Variants in RPL15 observed in about 807,000 individuals in gnomAD.
The protein encoded by RPL15 is ribosomal protein L15.
For synonymous variants in RPL15, 97 were observed against 95.1 expected (o/e 1.02, Z -0.12); for missense variants, 161 against 271.8 (o/e 0.59, Z 2.87).
Position 23,917,987 on chromosome 3 carries a change from C to T in RPL15, c.128C>T (p.Thr43Ile), listed in dbSNP as rs766954372. Residue 43 changes from threonine (T) to isoleucine (I), a missense_variant, in exon 2 of 4, where the codon ACC becomes ATC. Physicochemically the swap from Thr to Ile is moderately conservative, Grantham distance 89. Transcript: ENST00000307839. ...GCTCTCCACAGGGCTCCCCGCCCCA[C>T]CCGGCCTGATAAAGCGCGCCGACTG... ...LSALHRAPRPTRPDKARRLGY... is the reference protein window; with the variant it reads ...LSALHRAPRPIRPDKARRLGY... The T allele has an allele frequency of 6.2e-7, 1 of 1,612,324 alleles. No individual in the cohort carries two copies. Among genetic ancestry groups the T allele is most frequent in the African/African-American group, 1.3e-5 (1 of 74,950 alleles).
intron 3 of RPL15, chr3:23,918,834 G>A: frequency 1.9e-6 from 1 of 533,518 alleles, no homozygotes. Flanking sequence ...AATGTGGCCT[G>A]CACAGCCTAA....
At chr3:23,921,786 G>A, downstream of RPL15, 3 of 580,078 alleles carry the variant, frequency 5.2e-6, no homozygotes, top group Non-Finnish European at 9.1e-6. Context: ...TGTTGGCCAG[G>A]CTGGTCTCGA....
At position 23,919,130 on chromosome 3, in the gene RPL15, A is replaced by G. The variant is rs773201260; in HGVS notation, c.310-66A>G. The G allele has an allele frequency of 1.6e-5, 18 of 1,116,054 alleles. No individual in the cohort carries two copies. The Middle Eastern group carries it at 6.0e-4, about 38-fold the overall frequency. The allele number at this position is 1,116,054 out of a possible 1,614,324, so 69.1% of individuals were successfully genotyped here. A position where few individuals can be genotyped will look rare whatever the true frequency, so the allele number is the denominator to read the frequency against. On this transcript the variant is annotated intron_variant, in intron 3 of 3. Transcript: ENST00000307839. Reference sequence around the variant, plus strand: ...TGGTGAACTAGAGTTGAGAATTAAAATTCTTTCTGACTTGCTGCTATAGGC... The same window carrying G: ...TGGTGAACTAGAGTTGAGAATTAAAGTTCTTTCTGACTTGCTGCTATAGGC...
In RPL15 at chr3:23,917,855, C is replaced by T. The variant is rs756448980; in HGVS notation, c.-5C>T. On this transcript the variant is annotated 5_prime_UTR_variant, in exon 2 of 4. Transcript: ENST00000307839. The stretch of plus-strand genomic sequence containing the variant: ...TACACAGTTTGATTTCACAGGTAAG[C>T]CAAGATGGGTGCATACAAGTACATC... The T allele has an allele frequency of 1.2e-6, 2 of 1,607,208 alleles. No individual in the cohort carries two copies. The highest frequency in any genetic ancestry group is 1.3e-5 in the African/African-American group (1 of 74,588).
chr3:23,917,630 A>G, intron 1 of RPL15: 1 of 482,642 alleles, frequency 2.1e-6, no homozygotes, highest in Non-Finnish European at 3.7e-6. Context: ...CCCCACCAAA[A>G]CGTGCCGAGC....
chr3:23,922,267 C>G (rs1468754371), downstream of RPL15: 4 of 152,256 alleles, frequency 2.6e-5, no homozygotes, highest in African/African-American at 7.2e-5. The surrounding 1 kb of genome is among the most constrained non-coding windows in gnomAD (Gnocchi z 4.2). Flanking sequence ...TGGTTTCTTA[C>G]AATCCCAAAA....
At chr3:23,924,113 G>C (rs1248012281), downstream of RPL15, 2 of 152,230 alleles carry the variant, frequency 1.3e-5, no homozygotes, top group Non-Finnish European at 2.9e-5. Context: ...ATTAATACAA[G>C]ATGGGTGAAA....
At chr3:23,916,959 C>G (rs529553621), upstream of RPL15, 1 of 152,674 alleles carries the variant, frequency 6.5e-6, no homozygotes, top group African/African-American at 2.4e-5. Flanking sequence ...GCCGCTCAGG[C>G]TCGAATCTTG....
chr3:23,918,873 A>G lies in RPL15; in HGVS notation c.309+297A>G, dbSNP rs775671357. The G allele has an allele frequency of 1.3e-3, 646 of 507,210 alleles. 6 individuals carry two copies. Among genetic ancestry groups the G allele is most frequent in the Admixed American group, 1.1e-3 (29 of 26,684 alleles). The allele number at this position is 507,210 out of a possible 1,614,324, so 31.4% of individuals were successfully genotyped here. On this transcript the variant is annotated intron_variant, in intron 3 of 3. Coordinates refer to ENST00000307839, the MANE Select transcript of RPL15 (RefSeq NM_002948.5). The stretch of plus-strand genomic sequence containing the variant: ...ATATACTAAATATTTTTAAAGCTAA[A>G]CGTTGCTGAGCTCTCAGTTGTATGG...
At position 23,920,311 on chromosome 3, in the gene RPL15, G is replaced by A. The variant is rs571131453; in HGVS notation, c.*810G>A. 5.1e-5 allele frequency: 50 copies of A among 985,790 alleles called. No homozygotes were observed. In the Admixed American group the frequency reaches 3.0e-3, roughly 59 times the overall value. 61.1% of individuals were successfully genotyped at this position (985,790 alleles called of 1,614,324 possible). ...AAGTACGTCATTCTTAGTCCAGTCA[G>A]TCTTAAAAACATCTTGGGTTACCCA... On this transcript the variant is annotated 3_prime_UTR_variant, in exon 4 of 4. Coordinates refer to ENST00000307839, the MANE Select transcript of RPL15 (RefSeq NM_002948.5).
intron 1 of RPL15, 39 bp from the exon 2 acceptor site, chr3:23,917,811 T>G (rs368552682): frequency 1.6e-5 from 25 of 1,561,928 alleles, no homozygotes; most frequent in Middle Eastern, 2.3e-4. Context: ...TTATTGTACT[T>G]AAAGCGGATG....
chr3:23,916,873 G>A (rs1004469262), upstream of RPL15: 3 of 152,856 alleles, frequency 2.0e-5, no homozygotes, highest in African/African-American at 7.2e-5. Flanking sequence ...GCCTCCTCTC[G>A]CGGAGAGACA....
In RPL15 at chr3:23,917,962, G is replaced by T. The variant is rs1199176508; in HGVS notation, c.103G>T (p.Ala35Ser). The T allele has an allele frequency of 6.2e-7, 1 of 1,613,694 alleles. No homozygotes were observed. Among genetic ancestry groups the T allele is most frequent in the African/African-American group, 1.3e-5 (1 of 74,914 alleles). ...VRCWQYRQLS[A>S]LHRAPRPTRP... Reference sequence around the variant, plus strand: ...CTGCTGGCAGTACCGCCAGCTCTCTGCTCTCCACAGGGCTCCCCGCCCCAC... The same window carrying T: ...CTGCTGGCAGTACCGCCAGCTCTCTTCTCTCCACAGGGCTCCCCGCCCCAC... The change falls in exon 2 of 4, where the codon GCT (alanine) becomes TCT (serine). Residue 35 changes from alanine (A) to serine (S), a missense_variant. Coordinates refer to ENST00000307839, the MANE Select transcript of RPL15 (RefSeq NM_002948.5).
At position 23,917,713 on chromosome 3, in the gene RPL15, T is replaced by A. The variant is rs1040925132; in HGVS notation, c.-10-137T>A. 8 of 837,340 alleles carry A rather than the reference T, an allele frequency of 9.6e-6. No homozygotes were observed. The African/African-American group carries it at 1.4e-4, about 15-fold the overall frequency. 51.9% of individuals were successfully genotyped at this position (837,340 alleles called of 1,614,324 possible). A position where few individuals can be genotyped will look rare whatever the true frequency, so the allele number is the denominator to read the frequency against. On this transcript the variant is annotated intron_variant, in intron 1 of 3. Coordinates refer to ENST00000307839, the MANE Select transcript of RPL15 (RefSeq NM_002948.5). Reference sequence around the variant, plus strand: ...GCGCAGTGGTGGGGGTTGGGCTAGCTGTCCCCGGCAGTTGGTGCAGAGCCA... The same window carrying A: ...GCGCAGTGGTGGGGGTTGGGCTAGCAGTCCCCGGCAGTTGGTGCAGAGCCA...
chr3:23,920,516 TTC>T lies in RPL15; in HGVS notation c.*1017_*1018del. On this transcript the variant is annotated 3_prime_UTR_variant, in exon 4 of 4. Transcript: ENST00000307839. ...CTATGAGTATACCACCACATTGCAT[TTC>T]TGTTTGCACCATGTCTTCCAGGAGA... 10 of 985,270 alleles carry T rather than the reference TTC, an allele frequency of 1.0e-5. No homozygotes were observed. Among genetic ancestry groups the T allele is most frequent in the Non-Finnish European group, 1.1e-5 (9 of 829,796 alleles). 61.0% of individuals were successfully genotyped at this position (985,270 alleles called of 1,614,324 possible). A position where few individuals can be genotyped will look rare whatever the true frequency, so the allele number is the denominator to read the frequency against.
rs1455029715 is a variant in RPL15 at position 23,919,666 on chromosome 3, G to T, written c.*165G>T. 2.1e-6 allele frequency: 3 copies of T among 1,405,744 alleles called. No individual in the cohort carries two copies. The highest frequency in any genetic ancestry group is 3.0e-5 in the Admixed American group (1 of 33,160). 87.1% of individuals were successfully genotyped at this position (1,405,744 alleles called of 1,614,324 possible). A position where few individuals can be genotyped will look rare whatever the true frequency, so the allele number is the denominator to read the frequency against. On this transcript the variant is annotated 3_prime_UTR_variant, in exon 4 of 4. Transcript: ENST00000307839. ...TAATGTTTGAAGACAATAAGTGGTG[G>T]TGTATCTTGTTTCTAATAAGATAAA...
At chr3:23,918,176 GTA>G in intron 2 of RPL15, 145 bp downstream of exon 2, 1 of 1,069,202 alleles carries the variant, frequency 9.4e-7, no homozygotes. Flanking sequence ...GTCAGTTACT[GTA>G]TGCACTGTTG....
Position 23,920,079 on chromosome 3 carries a change from T to A in RPL15, c.*578T>A, listed in dbSNP as rs1484600918. 2 of 985,768 alleles carry A rather than the reference T, an allele frequency of 2.0e-6. No individual in the cohort carries two copies. The highest frequency in any genetic ancestry group is 2.4e-6 in the Non-Finnish European group (2 of 829,950). The allele number at this position is 985,768 out of a possible 1,614,324, so 61.1% of individuals were successfully genotyped here. A position where few individuals can be genotyped will look rare whatever the true frequency, so the allele number is the denominator to read the frequency against. On this transcript the variant is annotated 3_prime_UTR_variant, in exon 4 of 4. Coordinates refer to ENST00000307839, the MANE Select transcript of RPL15 (RefSeq NM_002948.5). Reference sequence around the variant, plus strand: ...GGTAATGGTAAACACTGGTGTGTTTTGAAGTTGAATGTGCGATAAAATTAT... The same window carrying A: ...GGTAATGGTAAACACTGGTGTGTTTAGAAGTTGAATGTGCGATAAAATTAT...
At chr3:23,923,597 T>C (rs1705154191), downstream of RPL15, 1 of 152,224 alleles carries the variant, frequency 6.6e-6, no homozygotes, top group Non-Finnish European at 1.5e-5. Context: ...TGGACCCTCC[T>C]GATGGACATT....
Sources: allele counts gnomAD v4.1 joint callset, GRCh38; gene constraint gnomAD v4.1.1; non-coding constraint Gnocchi (gnomAD v3.1); transcripts MANE v1.5; gene names NCBI Gene and HGNC (gene_info 2026-07-23, HGNC 2026-07-21).